ZNF644: variants seen among roughly 807,000 people sequenced by gnomAD.
ZNF644 encodes zinc finger motif enhancer binding protein 2.
In ZNF644, 20 loss-of-function variants were observed where a neutral mutation model predicts 108.0. That is an observed-to-expected ratio of 0.19 (90% CI 0.13 to 0.27). The LOEUF (loss-of-function observed/expected upper bound fraction) is 0.27, where lower values mean the gene tolerates loss of function less well. Ranked by LOEUF, ZNF644 falls within the 10% of genes least tolerant of loss-of-function variation. ZNF644 has a pLI of 1.00. For missense variants in ZNF644, 1,338 were observed against 1,548.9 expected, an observed-to-expected ratio of 0.86 and a Z score of 2.29; for synonymous variants, 542 against 539.1, an observed-to-expected ratio of 1.01 and a Z score of -0.08.
intron 1 of ZNF644, among the ~76,000 whole-genome samples, chr1:91,007,653 A>T (rs189022391): frequency 1.3e-5 from 2 of 152,272 alleles, no homozygotes; most frequent in African/African-American, 4.8e-5. Context: ...AGAATTTAAT[A>T]TTCTGAATTT....
In ZNF644 at chr1:90,918,035, G is replaced by A. The variant is rs1557536822; in HGVS notation, c.3791+17C>T. 1 of 1,592,686 alleles carries A rather than the reference G, an allele frequency of 6.3e-7. No individual in the cohort carries two copies. The highest frequency in any genetic ancestry group is 1.7e-5 in the Admixed American group (1 of 59,992). Reference sequence around the variant, plus strand: ...AGTATGAAGAAACTGATCAGATTTGGCAATATAGGCATATACCTGCATCGG... The same window carrying A: ...AGTATGAAGAAACTGATCAGATTTGACAATATAGGCATATACCTGCATCGG... On this transcript the variant is annotated intron_variant, in intron 5 of 5. Transcript: ENST00000337393.
intron 2 of ZNF644, among the ~76,000 whole-genome samples, chr1:90,973,818 T>C (rs992785663): frequency 6.6e-6 from 1 of 152,250 alleles, no homozygotes; most frequent in Non-Finnish European, 1.5e-5. Flanking sequence ...GTGGCTCAGT[T>C]TGCAATCATA....
At position 90,918,080 on chromosome 1, in the gene ZNF644, C is replaced by T. The variant is rs1295874303; in HGVS notation, c.3763G>A (p.Ala1255Thr). 1 of 1,613,954 alleles carries T rather than the reference C, an allele frequency of 6.2e-7. No homozygotes were observed. Among genetic ancestry groups the T allele is most frequent in the African/African-American group, 1.3e-5 (1 of 74,924 alleles). Residue 1255 changes from alanine to threonine, a missense_variant, in exon 5 of 6, where the codon GCT becomes ACT. Ala to Thr is a moderately conservative substitution (Grantham distance 58, BLOSUM62 0). Coordinates refer to ENST00000337393, the MANE Select transcript of ZNF644 (RefSeq NM_201269.3). ...KKKMLTLPHG[A>T]DEVYILRCRF... ...CATCGGAGAATGTAAACCTCGTCAG[C>T]ACCATGAGGTAATGTTAGCATTTTC...
intron 1 of ZNF644, among the ~76,000 whole-genome samples, chr1:90,984,187 C>T (rs1404645049): frequency 6.6e-6 from 1 of 152,092 alleles, no homozygotes; most frequent in South Asian, 2.1e-4. Context: ...TTACACCAAC[C>T]AGTTTGTGGT....
rs772389293 is a variant in ZNF644, at chr1:90,939,171, T to C, written c.2183A>G (p.Glu728Gly). 1 of 1,613,910 alleles carries C rather than the reference T, an allele frequency of 6.2e-7. No individual in the cohort carries two copies. The highest frequency in any genetic ancestry group is 8.5e-7 in the Non-Finnish European group (1 of 1,179,916). Reference protein sequence around the residue: ...KPKYFHQAAKEKSNAKANSHY... With the variant: ...KPKYFHQAAKGKSNAKANSHY... ...GCTATTTGCCTTGGCATTAGACTTT[T>C]CTTTTGCTGCTTGATGGAAATACTT... Residue 728 changes from glutamate (E) to glycine (G), a missense_variant, in exon 3 of 6, where the codon GAA becomes GGA. Physicochemically the swap from Glu to Gly is moderately conservative, Grantham distance 98. Around this residue, in one of 6 missense-constraint regions of ZNF644, gnomAD observed 462 missense variants for 472.6 expected, o/e 0.98. Transcript: ENST00000337393.
chr1:90,928,299 C>T (rs182749045), intron 4 of ZNF644, among the ~76,000 whole-genome samples: 1,892 of 149,792 alleles, frequency 0.013, 67 homozygotes, highest in Admixed American at 0.085. Flanking sequence ...ATTACAGGCG[C>T]GCACCACCAC....
intron 1 of ZNF644, among the ~76,000 whole-genome samples, chr1:90,999,906 G>A (rs1275338700): frequency 1.3e-5 from 2 of 152,266 alleles, no homozygotes; most frequent in East Asian, 3.9e-4. Flanking sequence ...TGATAAAACA[G>A]ACTTTAAACC....
rs1651560459 is a variant in ZNF644 at position 90,938,246 on chromosome 1, C to A, written c.3082+26G>T. On this transcript the variant is annotated intron_variant, in intron 3 of 5. Coordinates refer to ENST00000337393, the MANE Select transcript of ZNF644 (RefSeq NM_201269.3). This position sits in a 1 kb window ranked among gnomAD's most constrained non-coding sequence, Gnocchi z 4.2. The stretch of plus-strand genomic sequence containing the variant: ...AGAATTAGAACACAGACCTATCAGC[C>A]CAAATCATCCCCATGGAGAACTTAC... 6 of 1,613,694 alleles carry A rather than the reference C, an allele frequency of 3.7e-6. No homozygotes were observed. Among genetic ancestry groups the A allele is most frequent in the Non-Finnish European group, 5.1e-6 (6 of 1,179,818 alleles).
rs1230621299 is a variant in ZNF644 at position 90,938,784 on chromosome 1, T to C, written c.2570A>G (p.Asp857Gly). 12 of 1,613,740 alleles carry C rather than the reference T, an allele frequency of 7.4e-6. No homozygotes were observed. Among genetic ancestry groups the C allele is most frequent in the East Asian group, 2.2e-5 (1 of 44,872 alleles). ...CTCAACATTATCCCAGGAACTTTCA[T>C]CTTCTGTTTCATAACTATCTTTCTT... is the stretch of plus-strand genomic sequence containing the variant. ...AEKKDSYETE[D>G]ESSWDNVELG... Residue 857 changes from aspartate (D) to glycine (G), a missense_variant, in exon 3 of 6, where the codon GAT becomes GGT. By Grantham distance (94) the Asp-to-Gly change is moderately conservative. Coordinates refer to ENST00000337393, the MANE Select transcript of ZNF644 (RefSeq NM_201269.3). The surrounding 1 kb of genome is among the most constrained non-coding windows in gnomAD (Gnocchi z 4.2).
Position 90,938,646 on chromosome 1 carries a change from C to T in ZNF644, c.2708G>A (p.Gly903Glu), listed in dbSNP as rs1456271279. ...FKSKVEGQEP[G>E]ENATLSYDQN... ...GTCATAACTAAGAGTAGCATTTTCT[C>T]CAGGCTCCTGACCTTCCACTTTGCT... The change falls in exon 3 of 6, where the codon GGA (glycine) becomes GAA (glutamate). Residue 903 changes from glycine (G) to glutamate (E), a missense_variant. Gly to Glu is a moderately conservative substitution (Grantham distance 98, BLOSUM62 -2). Around this residue, in one of 6 missense-constraint regions of ZNF644, gnomAD observed 462 missense variants for 472.6 expected, o/e 0.98. Coordinates refer to ENST00000337393, the MANE Select transcript of ZNF644 (RefSeq NM_201269.3). The surrounding 1 kb of genome is among the most constrained non-coding windows in gnomAD (Gnocchi z 4.2). 1.2e-6 allele frequency: 2 copies of T among 1,610,130 alleles called. No individual in the cohort carries two copies. The highest frequency in any genetic ancestry group is 1.7e-6 in the Non-Finnish European group (2 of 1,178,526).
intron 1 of ZNF644, among the ~76,000 whole-genome samples, chr1:91,009,979 TCA>T (rs1285050033): frequency 2.0e-5 from 3 of 152,220 alleles, no homozygotes; most frequent in South Asian, 2.1e-4. Context: ...CCCTTCCCAC[TCA>T]CAAAGATAAT....
intron 2 of ZNF644, among the ~76,000 whole-genome samples, chr1:90,959,835 A>G (rs188253297): frequency 6.6e-6 from 1 of 152,314 alleles, no homozygotes; most frequent in East Asian, 1.9e-4. Context: ...CCTCATCTAC[A>G]GTTTTACTTT....
chr1:91,016,587 C>T (rs1660453188), intron 1 of ZNF644, among the ~76,000 whole-genome samples: 1 of 152,092 alleles, frequency 6.6e-6, no homozygotes, highest in Non-Finnish European at 1.5e-5. Context: ...ATGCAGTCCA[C>T]TATTGACCAA....
At chr1:90,968,196 C>T (rs993446616) in intron 2 of ZNF644, among the ~76,000 whole-genome samples, 19 of 151,854 alleles carry the variant, frequency 1.3e-4, no homozygotes, top group African/African-American at 4.6e-4. Context: ...ATTCACATGC[C>T]TCATGATCAG....
At chr1:90,972,937 G>A (rs1439133428) in intron 2 of ZNF644, 1 of 152,118 alleles carries the variant, frequency 6.6e-6, no homozygotes, top group South Asian at 2.1e-4. Context: ...TGATTTCCAG[G>A]ACCTCAGGAG....
intron 4 of ZNF644, among the ~76,000 whole-genome samples, chr1:90,922,066 T>C (rs1280239788): frequency 1.3e-5 from 2 of 152,234 alleles, no homozygotes; most frequent in East Asian, 1.9e-4. Flanking sequence ...GCCCATTTTA[T>C]ACAATAATTG....
chr1:91,009,677 CTT>C (rs1659759292), intron 1 of ZNF644, among the ~76,000 whole-genome samples: 1 of 152,096 alleles, frequency 6.6e-6, no homozygotes. Context: ...AGTACAAGCT[CTT>C]CTTACCAGTT....
intron 1 of ZNF644, among the ~76,000 whole-genome samples, chr1:91,009,570 T>C (rs1318255656): frequency 6.6e-6 from 1 of 152,196 alleles, no homozygotes; most frequent in Non-Finnish European, 1.5e-5. Flanking sequence ...TTGTTAATTT[T>C]TATTATTTCC....
chr1:90,974,347 AG>A (rs968671339), intron 2 of ZNF644, among the ~76,000 whole-genome samples: 4 of 152,144 alleles, frequency 2.6e-5, no homozygotes, highest in African/African-American at 9.6e-5. Context: ...AAAGAATTTG[AG>A]GGACATTAAG....
Sources: allele counts gnomAD v4.1 joint callset (sites outside exome capture counted in the v4.1 genomes callset), GRCh38; gene constraint gnomAD v4.1.1; regional missense constraint gnomAD v4.1.1; non-coding constraint Gnocchi (gnomAD v3.1); transcripts MANE v1.5; gene names NCBI Gene and HGNC (gene_info 2026-07-23, HGNC 2026-07-21).